ATAD2B: variants seen among roughly 807,000 people sequenced by gnomAD.
ATAD2B encodes ATPase family AAA domain-containing protein 2B.
ATAD2B carries 40 observed loss-of-function variants against 167.6 expected under a neutral mutation model. The ratio of observed to expected loss-of-function variants is 0.24; its 90% CI spans 0.19 to 0.31. The LOEUF (loss-of-function observed/expected upper bound fraction) is 0.31. ATAD2B is among the 10% of genes least tolerant of loss of function. The pLI is 1.00. For synonymous variants in ATAD2B, 579 were observed against 596.5 expected, an observed-to-expected ratio of 0.97 and a Z score of 0.43; for missense variants, 1,242 against 1,757.2, an observed-to-expected ratio of 0.71 and a Z score of 5.24.
At chr2:23,840,514 C>G (rs1046858177) in intron 13 of ATAD2B, among the ~76,000 whole-genome samples, 2 of 152,128 alleles carry the variant, frequency 1.3e-5, no homozygotes, top group African/African-American at 2.4e-5. Context: ...GTCATTTAGA[C>G]TTTAGAGCTA....
rs1687197852 is a variant in ATAD2B at position 23,819,933 on chromosome 2, T to C, written c.2132-51A>G. 3 of 1,353,878 alleles carry C rather than the reference T, an allele frequency of 2.2e-6. No individual in the cohort carries two copies. The South Asian group carries it at 4.3e-5, about 19-fold the overall frequency. 83.9% of individuals were successfully genotyped at this position (1,353,878 alleles called of 1,614,324 possible). A position where few individuals can be genotyped will look rare whatever the true frequency, so the allele number is the denominator to read the frequency against. On this transcript the variant is annotated intron_variant, in intron 16 of 27. Transcript: ENST00000238789. ...TGGGGCTTATAAAGTCATTTAATAT[T>C]CGTGCCCTACCAAAGCTAAGAAAAA...
chr2:23,873,498 A>C (rs922658380), intron 8 of ATAD2B, among the ~76,000 whole-genome samples: 3 of 152,148 alleles, frequency 2.0e-5, no homozygotes, highest in African/African-American at 4.8e-5. Flanking sequence ...CCTCCCACAC[A>C]CTTTTTTTGA....
chr2:23,920,144 C>G (rs1703693078), intron 1 of ATAD2B, among the ~76,000 whole-genome samples: 1 of 120,152 alleles, frequency 8.3e-6, no homozygotes, highest in Non-Finnish European at 1.7e-5. Context: ...GAGAGAGACT[C>G]TGCCTCAAAA....
chr2:23,885,734 G>C lies in ATAD2B; in HGVS notation c.668C>G (p.Thr223Arg). Reference sequence around the variant, plus strand: ...TACAGCTAATATACTCACAAATTCTGTATCTGTCCACATTCGAAGTCGTTC... The same window carrying C: ...TACAGCTAATATACTCACAAATTCTCTATCTGTCCACATTCGAAGTCGTTC... ...EVERLRMWTD[T>R]EFENMDMYSR... Residue 223 changes from threonine to arginine, a missense_variant, in exon 5 of 28, where the codon ACA (threonine) becomes AGA (arginine). Transcript: ENST00000238789. 1 of 1,573,618 alleles carries C rather than the reference G, an allele frequency of 6.4e-7. No individual in the cohort carries two copies. The highest frequency in any genetic ancestry group is 1.2e-5 in the South Asian group (1 of 86,752).
At chr2:23,728,549 A>G in the ATAD2B span, among the ~76,000 whole-genome samples, 1 of 152,118 alleles carries the variant, frequency 6.6e-6, no homozygotes, top group Non-Finnish European at 1.5e-5. Flanking sequence ...GAAACTAACT[A>G]AATTTTGTTT....
the ATAD2B span, among the ~76,000 whole-genome samples, chr2:23,683,098 G>A: frequency 6.6e-6 from 1 of 152,274 alleles, no homozygotes; most frequent in Admixed American, 6.5e-5. Flanking sequence ...GAGGCTCAGA[G>A]AGACAAAGGG....
intron 5 of ATAD2B, 40 bp downstream of exon 5, chr2:23,885,686 TG>T (rs111610189): frequency 8.1e-7 from 1 of 1,236,182 alleles, no homozygotes; most frequent in Non-Finnish European, 1.1e-6. Flanking sequence ...TCAATTAAAA[TG>T]AAAAATATTT....
the ATAD2B span, among the ~76,000 whole-genome samples, chr2:23,678,201 C>T: frequency 2.6e-5 from 4 of 152,334 alleles, no homozygotes; most frequent in East Asian, 1.9e-4. Context: ...CTTCACTCTC[C>T]TCTAGGCAAA....
At chr2:23,817,277 T>C (rs1392371072) in intron 17 of ATAD2B, among the ~76,000 whole-genome samples, 1 of 152,202 alleles carries the variant, frequency 6.6e-6, no homozygotes, top group Non-Finnish European at 1.5e-5. Flanking sequence ...AACAGGATCA[T>C]GGGCAATTTA....
chr2:23,924,685 C>T (rs1431335643), intron 1 of ATAD2B, among the ~76,000 whole-genome samples: 1 of 151,972 alleles, frequency 6.6e-6, no homozygotes, highest in Non-Finnish European at 1.5e-5. Flanking sequence ...TCTTTAGTAC[C>T]CTGTTATTTA....
chr2:23,722,702 G>A, the ATAD2B span, among the ~76,000 whole-genome samples: 6 of 152,018 alleles, frequency 3.9e-5, no homozygotes, highest in African/African-American at 1.5e-4. Flanking sequence ...GGAGAATGAT[G>A]GACATCTAGG....
the ATAD2B span, chr2:23,691,958 G>C: frequency 5.0e-6 from 7 of 1,400,810 alleles, no homozygotes; most frequent in Admixed American, 2.0e-5. Context: ...GGACTGAGCG[G>C]GGAGGTCTGT....
intron 27 of ATAD2B, among the ~76,000 whole-genome samples, chr2:23,753,195 T>C (rs1015117808): frequency 6.6e-5 from 10 of 152,270 alleles, no homozygotes; most frequent in Non-Finnish European, 1.5e-4. Context: ...AGTTCTTCCA[T>C]GTGGCCAACA....
intron 7 of ATAD2B, 89 bp downstream of exon 7, chr2:23,880,550 G>A (rs369962120): frequency 1.2e-4 from 90 of 732,576 alleles, no homozygotes; most frequent in African/African-American, 8.9e-4. Context: ...GCGATGGAGC[G>A]AGACTCTGTC....
the ATAD2B span, among the ~76,000 whole-genome samples, chr2:23,679,571 C>CG: frequency 2.1e-5 from 3 of 144,630 alleles, no homozygotes; most frequent in Non-Finnish European, 4.7e-5. Flanking sequence ...CACCTCTTGA[C>CG]GGGGGAAGCT....
At chr2:23,866,624 G>T (rs1044173483) in intron 10 of ATAD2B, among the ~76,000 whole-genome samples, 1 of 152,078 alleles carries the variant, frequency 6.6e-6, no homozygotes, top group African/African-American at 2.4e-5. Context: ...CTTCTGAGAA[G>T]GTGCACTATT....
the ATAD2B span, chr2:23,706,852 G>A: frequency 3.8e-6 from 2 of 521,120 alleles, no homozygotes; most frequent in African/African-American, 2.0e-5. Flanking sequence ...TGAAACGGAG[G>A]CACCGCGCTT....
At chr2:23,762,482 A>C (rs184755643) in intron 23 of ATAD2B, 136 bp from the exon 24 acceptor site, 69 of 747,850 alleles carry the variant, frequency 9.2e-5, no homozygotes, top group Admixed American at 8.3e-4. Flanking sequence ...GTTCCAATGA[A>C]AGCAGTGTCT....
chr2:23,867,846 T>C lies in ATAD2B; in HGVS notation c.1177A>G (p.Ile393Val), dbSNP rs1695374869. 20 of 1,604,994 alleles carry C rather than the reference T, an allele frequency of 1.2e-5. No homozygotes were observed. The highest frequency in any genetic ancestry group is 1.5e-5 in the Non-Finnish European group (18 of 1,174,972). ...TTTACAAAACTTACTGATTTATCAATGTTCATTGGATCAACATCAGCCAAG... is the reference window on the plus strand; with the variant it reads ...TTTACAAAACTTACTGATTTATCAACGTTCATTGGATCAACATCAGCCAAG... The part of the protein sequence containing the change: ...ASLADVDPMN[I>V]DKSVRFDSIG... The change falls in exon 10 of 28, where the codon ATT becomes GTT. Residue 393 changes from isoleucine to valine, a missense_variant. By Grantham distance (29) the Ile-to-Val change is conservative. This residue lies in a region of ATAD2B where 127 missense variants were observed against 146.3 expected (regional missense o/e 0.87). Transcript: ENST00000238789.
Sources: allele counts gnomAD v4.1 joint callset (sites outside exome capture counted in the v4.1 genomes callset), GRCh38; gene constraint gnomAD v4.1.1; regional missense constraint gnomAD v4.1.1; transcripts MANE v1.5; gene names NCBI Gene and HGNC (gene_info 2026-07-23, HGNC 2026-07-21).